The following SLC2A13 variants were observed in gnomAD, a reference collection of about 807,000 sequenced individuals.
SLC2A13 encodes proton myo-inositol cotransporter.
SLC2A13 carries 32 observed loss-of-function variants against 64.4 expected under a neutral mutation model. That is an observed-to-expected ratio of 0.50 (90% CI 0.37 to 0.67). The LOEUF (loss-of-function observed/expected upper bound fraction) is 0.67. SLC2A13 is among the 30% of genes least tolerant of loss of function. The pLI is 0.00. For synonymous variants in SLC2A13, 338 were observed against 327.1 expected (o/e 1.03, Z -0.36); for missense variants, 743 against 829.2 (o/e 0.90, Z 1.28).
At chr12:39,800,269 T>C (rs1489190445) in intron 7 of SLC2A13, among the ~76,000 whole-genome samples, 4 of 152,180 alleles carry the variant, frequency 2.6e-5, no homozygotes, top group African/African-American at 9.7e-5. Context: ...GAGAATAATA[T>C]AAATAGGAAT....
At chr12:40,063,985 G>A (rs1265346159) in intron 1 of SLC2A13, among the ~76,000 whole-genome samples, 1 of 152,094 alleles carries the variant, frequency 6.6e-6, no homozygotes, top group African/African-American at 2.4e-5. Context: ...ACTCATGCCT[G>A]TAATCCCAGC....
intron 3 of SLC2A13, among the ~76,000 whole-genome samples, chr12:39,970,272 TGGC>T (rs1220309748): frequency 2.0e-5 from 3 of 152,216 alleles, no homozygotes; most frequent in African/African-American, 7.2e-5. Context: ...AGGATTGACT[TGGC>T]AATGCAGGCT....
At chr12:39,793,175 C>G (rs1212033906) in intron 7 of SLC2A13, among the ~76,000 whole-genome samples, 1 of 152,036 alleles carries the variant, frequency 6.6e-6, no homozygotes, top group East Asian at 1.9e-4. Context: ...CACATTAAAA[C>G]CTACATACTA....
chr12:39,896,643 A>T (rs533307970), intron 4 of SLC2A13, among the ~76,000 whole-genome samples: 1 of 151,684 alleles, frequency 6.6e-6, no homozygotes, highest in African/African-American at 2.4e-5. Context: ...AACTTCTGGA[A>T]GAAAACAACA....
chr12:39,979,082 G>C (rs899352910), intron 3 of SLC2A13, among the ~76,000 whole-genome samples: 3 of 151,858 alleles, frequency 2.0e-5, no homozygotes, highest in Admixed American at 6.6e-5. Flanking sequence ...TCACATGGCA[G>C]GGTATTCCAA....
At chr12:40,067,138 G>A (rs1332193774) in intron 1 of SLC2A13, among the ~76,000 whole-genome samples, 2 of 152,148 alleles carry the variant, frequency 1.3e-5, no homozygotes, top group African/African-American at 4.8e-5. Flanking sequence ...GAGGCTTTAG[G>A]ATTCAGTTAG....
At chr12:39,997,150 A>C (rs1017323845) in intron 3 of SLC2A13, among the ~76,000 whole-genome samples, 1 of 152,250 alleles carries the variant, frequency 6.6e-6, no homozygotes, top group Non-Finnish European at 1.5e-5. Context: ...AGAAGACCAC[A>C]GTCACCAAAA....
chr12:39,877,884 G>T (rs189277649), intron 4 of SLC2A13, among the ~76,000 whole-genome samples: 126 of 152,326 alleles, frequency 8.3e-4, no homozygotes, highest in African/African-American at 2.7e-3. Context: ...CAGTGCTGAG[G>T]TAGGGCATGG....
At chr12:39,848,253 G>T (rs1185602023) in intron 6 of SLC2A13, among the ~76,000 whole-genome samples, 1 of 152,132 alleles carries the variant, frequency 6.6e-6, no homozygotes, top group African/African-American at 2.4e-5. Context: ...CCTACAGAAT[G>T]TGAAAAAACA....
intron 3 of SLC2A13, among the ~76,000 whole-genome samples, chr12:39,992,590 A>T (rs1947154733): frequency 6.6e-6 from 1 of 152,106 alleles, no homozygotes; most frequent in African/African-American, 2.4e-5. Context: ...TTAATTATGG[A>T]AAATGGCCGT....
At chr12:39,956,486 AAAGT>A (rs1314231716) in intron 3 of SLC2A13, among the ~76,000 whole-genome samples, 1 of 152,200 alleles carries the variant, frequency 6.6e-6, no homozygotes, top group East Asian at 1.9e-4. Flanking sequence ...ATCAACAACA[AAAGT>A]AAGAAAAAGC....
intron 1 of SLC2A13, among the ~76,000 whole-genome samples, chr12:40,078,320 T>C (rs994468039): frequency 2.6e-5 from 4 of 152,208 alleles, no homozygotes; most frequent in African/African-American, 9.6e-5. Flanking sequence ...TTGAGGTTTG[T>C]TCCTTCAATG....
chr12:39,965,880 A>G (rs765207483), intron 3 of SLC2A13, among the ~76,000 whole-genome samples: 1 of 152,094 alleles, frequency 6.6e-6, no homozygotes, highest in Non-Finnish European at 1.5e-5. Context: ...GCTCTTAAAG[A>G]ACATTTAGGA....
At chr12:39,905,822 GA>G (rs10682990) in intron 4 of SLC2A13, among the ~76,000 whole-genome samples, 3 of 145,402 alleles carry the variant, frequency 2.1e-5, no homozygotes, top group African/African-American at 5.0e-5. Context: ...AAAATGCCCA[GA>G]AAAAAAAAAA....
intron 4 of SLC2A13, among the ~76,000 whole-genome samples, chr12:39,927,607 A>C (rs1277980039): frequency 6.6e-6 from 1 of 152,188 alleles, no homozygotes; most frequent in Non-Finnish European, 1.5e-5. Context: ...CAAACGAGAA[A>C]AAATATTTTA....
chr12:40,104,908 C>T (rs1050545121), intron 1 of SLC2A13, among the ~76,000 whole-genome samples: 1 of 152,204 alleles, frequency 6.6e-6, no homozygotes, highest in Admixed American at 6.5e-5. Context: ...CAAGAAGCAG[C>T]ATCAGGTTAG....
chr12:39,966,125 GTA>G (rs71441878), intron 3 of SLC2A13, among the ~76,000 whole-genome samples: 15,344 of 147,082 alleles, frequency 0.1, 829 homozygotes, highest in Non-Finnish European at 0.13. Context: ...ATGTGTGTGT[GTA>G]TATATATATA....
chr12:39,764,891 A>C (rs746388005), intron 7 of SLC2A13, 33 bp from the exon 8 acceptor site: 15 of 1,600,076 alleles, frequency 9.4e-6, no homozygotes, highest in Non-Finnish European at 1.3e-5. Context: ...TATTAACTTA[A>C]TGTTTTTGAC....
intron 3 of SLC2A13, among the ~76,000 whole-genome samples, chr12:39,988,608 TAGGAGGAGGAGGGGA>T (rs1315278688): frequency 1.6e-5 from 2 of 128,226 alleles, no homozygotes; most frequent in Non-Finnish European, 3.3e-5. Context: ...AGAAGAAGAC[TAGGAGGAGGAGGGGA>T]AGGAGGAGGA....
Sources: gnomAD v4.1 joint callset for allele counts (sites outside exome capture counted in the v4.1 genomes callset) on GRCh38, gnomAD v4.1.1 for gene constraint, MANE v1.5 for transcripts, NCBI Gene and HGNC (gene_info 2026-07-23, HGNC 2026-07-21) for gene names.